Variants in GNA12 observed in about 807,000 individuals in gnomAD.
GNA12 encodes guanine nucleotide-binding protein subunit alpha-12.
A neutral mutation model predicts 26.0 loss-of-function variants in GNA12; 9 were observed. The observed-to-expected ratio is 0.35, with a 90% CI of 0.21 to 0.60. The LOEUF (loss-of-function observed/expected upper bound fraction) is 0.60. Among genes scored for constraint, GNA12 ranks in the 20% least tolerant of loss-of-function variants. GNA12 has a pLI of 0.78. For missense variants in GNA12, 405 were observed against 525.8 expected (o/e 0.77, Z 2.25); for synonymous variants, 264 against 219.6 (o/e 1.20, Z -1.79).
At chr7:2,798,856 G>A (rs1319122214) in intron 1 of GNA12, among the ~76,000 whole-genome samples, 2 of 150,020 alleles carry the variant, frequency 1.3e-5, no homozygotes, top group East Asian at 2.0e-4. Flanking sequence ...ATACAGCTAG[G>A]TAATTTTTGT....
intron 1 of GNA12, among the ~76,000 whole-genome samples, chr7:2,810,697 TGGCCAA>T: frequency 6.6e-6 from 1 of 152,266 alleles, no homozygotes; most frequent in East Asian, 1.9e-4. Context: ...GAGACCAGCC[TGGCCAA>T]CATGTTAAAG....
chr7:2,806,667 C>G (rs1792958373), intron 1 of GNA12, among the ~76,000 whole-genome samples: 1 of 151,986 alleles, frequency 6.6e-6, no homozygotes, highest in South Asian at 2.1e-4. Context: ...CATTTTGTAA[C>G]ACTTTAAAAT....
intron 1 of GNA12, among the ~76,000 whole-genome samples, chr7:2,843,104 C>T (rs1174907815): frequency 6.6e-6 from 1 of 152,074 alleles, no homozygotes; most frequent in Non-Finnish European, 1.5e-5. Flanking sequence ...GAGAGCCTTT[C>T]TAAAAAAACA....
chr7:2,830,865 CAGG>C (rs1176956996), intron 1 of GNA12, among the ~76,000 whole-genome samples: 5 of 151,984 alleles, frequency 3.3e-5, no homozygotes, highest in African/African-American at 9.7e-5. Context: ...CACTTGAGCC[CAGG>C]AGGTCGAAGC....
chr7:2,840,642 T>G (rs2114983113), intron 1 of GNA12, among the ~76,000 whole-genome samples: 1 of 152,294 alleles, frequency 6.6e-6, no homozygotes, highest in Middle Eastern at 3.4e-3. Flanking sequence ...GTGGTTCGCT[T>G]GAGTTCAAGA....
intron 1 of GNA12, among the ~76,000 whole-genome samples, chr7:2,803,345 G>A (rs980263141): frequency 4.6e-5 from 7 of 152,170 alleles, no homozygotes; most frequent in African/African-American, 1.7e-4. Flanking sequence ...CGAGGGCTTT[G>A]GAAAAGGAGA....
chr7:2,731,856 G>A lies in GNA12; in HGVS notation c.577-106C>T, dbSNP rs1052830518. ...ATAAGAAGGAAAGAGACTGACTTTT[G>A]CAACAGGTTGAACCAGAAACCAAAA... On this transcript the variant is annotated intron_variant, in intron 3 of 3. Coordinates refer to ENST00000275364, the MANE Select transcript of GNA12 (RefSeq NM_007353.3). This position sits in a 1 kb window ranked among gnomAD's most constrained non-coding sequence, Gnocchi z 6.0. The A allele has an allele frequency of 4.1e-5, 25 of 604,834 alleles. No individual in the cohort carries two copies. In the Admixed American group the frequency reaches 7.5e-4, roughly 18 times the overall value. The allele number at this position is 604,834 out of a possible 1,614,324, so 37.5% of individuals were successfully genotyped here.
At chr7:2,810,547 A>G (rs118037608) in intron 1 of GNA12, among the ~76,000 whole-genome samples, 1,651 of 152,252 alleles carry the variant, frequency 0.011, 14 homozygotes, top group Middle Eastern at 0.075. Context: ...GGTTTTGTCA[A>G]TAATTTTTTT....
At chr7:2,787,046 C>T (rs144961332) in intron 2 of GNA12, among the ~76,000 whole-genome samples, 20 of 152,292 alleles carry the variant, frequency 1.3e-4, no homozygotes, top group Middle Eastern at 3.4e-3. Context: ...GCAGCCTGGG[C>T]GTACTCACAA....
chr7:2,751,514 A>G (rs757118949), intron 2 of GNA12, among the ~76,000 whole-genome samples: 12 of 152,224 alleles, frequency 7.9e-5, no homozygotes, highest in South Asian at 4.1e-4. Flanking sequence ...AGCAGGAGAA[A>G]GAAAATAACA....
chr7:2,751,242 C>T (rs929818619), intron 2 of GNA12, among the ~76,000 whole-genome samples: 6 of 151,778 alleles, frequency 4.0e-5, no homozygotes, highest in South Asian at 2.1e-4. Flanking sequence ...CAAAGTTAGC[C>T]GAGTATGTTG....
chr7:2,787,748 C>T (rs1285700274), intron 2 of GNA12, among the ~76,000 whole-genome samples: 4 of 152,236 alleles, frequency 2.6e-5, no homozygotes, highest in African/African-American at 4.8e-5. Context: ...TCATTTCGCC[C>T]CTACAGCAAG....
intron 2 of GNA12, among the ~76,000 whole-genome samples, chr7:2,752,149 G>A (rs1199610445): frequency 1.3e-5 from 2 of 152,062 alleles, no homozygotes; most frequent in African/African-American, 4.8e-5. Context: ...ATAGAAGACA[G>A]CCACTATTTT....
intron 2 of GNA12, among the ~76,000 whole-genome samples, chr7:2,736,963 C>G (rs1025839859): frequency 2.0e-5 from 3 of 152,238 alleles, no homozygotes; most frequent in Admixed American, 6.5e-5. Context: ...GAGGGGCTGA[C>G]TCTGGTTCCC....
chr7:2,839,929 C>A lies in GNA12; in HGVS notation c.309+3924G>T, dbSNP rs1434446445. Among the ~76,000 whole-genome samples, 9 of 152,174 alleles carry A rather than the reference C, an allele frequency of 5.9e-5. No individual in the cohort carries two copies. The East Asian group carries it at 9.7e-4, about 16-fold the overall frequency. On this transcript the variant is annotated intron_variant, in intron 1 of 3. Coordinates refer to ENST00000275364, the MANE Select transcript of GNA12 (RefSeq NM_007353.3). ...CAGGAGAATCGCTTGAACCCCGGGG[C>A]GGAGGTTGCAGTGAGCTGAGATTGT... is the stretch of plus-strand genomic sequence containing the variant.
At chr7:2,750,174 C>T (rs746858966) in intron 2 of GNA12, among the ~76,000 whole-genome samples, 6 of 152,162 alleles carry the variant, frequency 3.9e-5, no homozygotes, top group African/African-American at 9.7e-5. Flanking sequence ...GCCTGGAAGT[C>T]GTCACTCCCA....
chr7:2,768,691 A>AAAAAAAAAAAAAAAAAAAAC (rs1562418608), intron 2 of GNA12, among the ~76,000 whole-genome samples: 1 of 142,588 alleles, frequency 7.0e-6, no homozygotes, highest in Non-Finnish European at 1.5e-5. Context: ...ACAAAACAAA[A>AAAAAAAAAAAAAAAAAAAAC]AAAAAAACAG....
chr7:2,818,356 C>T lies in GNA12; in HGVS notation c.310-23213G>A, dbSNP rs537670695. 4.6e-5 allele frequency among the ~76,000 whole-genome samples: 7 copies of T among 152,314 alleles called. No homozygotes were observed. The East Asian group carries it at 1.2e-3, about 25-fold the overall frequency. ...CACCCATCAGTGTCACAACCAAACA[C>T]GCCTGCAGACGCTGCCAAATGTCCC... On this transcript the variant is annotated intron_variant, in intron 1 of 3. Transcript: ENST00000275364.
In GNA12 at chr7:2,742,575, T is replaced by G. The variant is rs11767743; in HGVS notation, c.526-9074A>C. ...TCCTCGCTTACTTTGGTGCTCAAAG[T>G]GAAGAAAGCACTGAGTCTCGCCGGC... On this transcript the variant is annotated intron_variant, in intron 2 of 3. Coordinates refer to ENST00000275364, the MANE Select transcript of GNA12 (RefSeq NM_007353.3). Among the ~76,000 whole-genome samples the G allele has an allele frequency of 7.4e-3, 1,133 of 152,306 alleles. 12 individuals carry two copies. The highest frequency in any genetic ancestry group is 0.014 in the Non-Finnish European group (921 of 68,034).
Sources: allele counts gnomAD v4.1 joint callset (sites outside exome capture counted in the v4.1 genomes callset), GRCh38; gene constraint gnomAD v4.1.1; non-coding constraint Gnocchi (gnomAD v3.1); transcripts MANE v1.5; gene names NCBI Gene and HGNC (gene_info 2026-07-23, HGNC 2026-07-21).